PPFIA2: variants seen among roughly 807,000 people sequenced by gnomAD.
PPFIA2 encodes the protein PPFI scaffold protein A2.
A neutral mutation model predicts 175.5 loss-of-function variants in PPFIA2; 46 were observed. The observed-to-expected ratio is 0.26, with a 90% CI of 0.21 to 0.34. PPFIA2 has a LOEUF of 0.34. Ranked by LOEUF, PPFIA2 falls within the 10% of genes least tolerant of loss-of-function variation. The pLI, the probability that PPFIA2 is intolerant of heterozygous loss-of-function variation, is 1.00. For missense variants in PPFIA2, 1,179 were observed against 1,506.1 expected (o/e 0.78, Z 3.60); for synonymous variants, 568 against 511.4 (o/e 1.11, Z -1.49).
At chr12:81,431,781 C>A (rs1279010616) in intron 7 of PPFIA2, among the ~76,000 whole-genome samples, 3 of 152,112 alleles carry the variant, frequency 2.0e-5, no homozygotes, top group Admixed American at 2.0e-4. Context: ...AACCGAAAAT[C>A]CAATCACATC....
chr12:81,342,774 C>A (rs1238445636), intron 19 of PPFIA2, among the ~76,000 whole-genome samples: 1 of 151,932 alleles, frequency 6.6e-6, no homozygotes, highest in Non-Finnish European at 1.5e-5. Flanking sequence ...CTAAGCATGG[C>A]CATTTTTGCT....
At chr12:81,369,446 C>G in intron 11 of PPFIA2, 1 of 1,311,320 alleles carries the variant, frequency 7.6e-7, no homozygotes, top group Non-Finnish European at 9.8e-7. Context: ...ATGTAACATG[C>G]AGACTGTGCA....
intron 4 of PPFIA2, among the ~76,000 whole-genome samples, chr12:81,579,770 G>A (rs141770096): frequency 7.2e-4 from 110 of 151,950 alleles, no homozygotes; most frequent in Middle Eastern, 6.8e-3. Context: ...AGACGGTACC[G>A]TTTGTAGTGC....
intron 16 of PPFIA2, among the ~76,000 whole-genome samples, chr12:81,353,656 C>T (rs1196872081): frequency 6.6e-6 from 1 of 151,894 alleles, no homozygotes; most frequent in Non-Finnish European, 1.5e-5. Context: ...TCCTTATTTC[C>T]AAATATAACA....
At chr12:81,460,056 T>TTATCTGAAACA (rs2054255275) in intron 4 of PPFIA2, among the ~76,000 whole-genome samples, 1 of 152,056 alleles carries the variant, frequency 6.6e-6, no homozygotes, top group Non-Finnish European at 1.5e-5. Flanking sequence ...CTGGAGTACA[T>TTATCTGAAACA]TTAGAGGTAC....
chr12:81,708,220 GAA>G (rs1220631546), intron 3 of PPFIA2, among the ~76,000 whole-genome samples: 1 of 150,862 alleles, frequency 6.6e-6, no homozygotes, highest in Non-Finnish European at 1.5e-5. Context: ...GAAAAAAAAA[GAA>G]ATGTATAGTA....
At chr12:81,443,137 G>A (rs530679910) in intron 6 of PPFIA2, among the ~76,000 whole-genome samples, 3 of 151,602 alleles carry the variant, frequency 2.0e-5, no homozygotes, top group African/African-American at 4.8e-5. Context: ...ATTCATAAAC[G>A]TTCACTAAGG....
At chr12:81,751,519 T>C (rs1323705972) in intron 3 of PPFIA2, among the ~76,000 whole-genome samples, 1 of 148,722 alleles carries the variant, frequency 6.7e-6, no homozygotes, top group Non-Finnish European at 1.5e-5. Flanking sequence ...TCAGGAGGAT[T>C]GTTCTATAAT....
Position 81,561,988 on chromosome 12 carries a change from T to G in PPFIA2, c.304-104122A>C, listed in dbSNP as rs377609992. Among the ~76,000 whole-genome samples the G allele has an allele frequency of 7.2e-5, 11 of 152,352 alleles. No individual in the cohort carries two copies. In the East Asian group the frequency reaches 9.6e-4, roughly 13 times the overall value. ...CCTTAACAAATACTTCATGTTCACATTTATGTTTTGCTAATGTCAGAAAAC... is the reference window on the plus strand; with the variant it reads ...CCTTAACAAATACTTCATGTTCACAGTTATGTTTTGCTAATGTCAGAAAAC... On this transcript the variant is annotated intron_variant, in intron 4 of 32. Transcript: ENST00000549396.
At chr12:81,375,362 G>C (rs1404572046) in intron 10 of PPFIA2, among the ~76,000 whole-genome samples, 1 of 152,076 alleles carries the variant, frequency 6.6e-6, no homozygotes, top group Non-Finnish European at 1.5e-5. Flanking sequence ...GCTATAGTTT[G>C]CCTGTTTCTG....
intron 4 of PPFIA2, among the ~76,000 whole-genome samples, chr12:81,547,397 CAG>C (rs1175935354): frequency 2.7e-5 from 4 of 150,480 alleles, no homozygotes; most frequent in African/African-American, 9.8e-5. Flanking sequence ...CTTTTTGAGA[CAG>C]AGTTTTGCTC....
At chr12:81,658,268 C>CAAAAAAAAAAA (rs1318255722) in intron 4 of PPFIA2, among the ~76,000 whole-genome samples, 1 of 114,486 alleles carries the variant, frequency 8.7e-6, no homozygotes, top group African/African-American at 4.0e-5. Context: ...AACTCCATCT[C>CAAAAAAAAAAA]AAAAAAAAAA....
intron 3 of PPFIA2, among the ~76,000 whole-genome samples, chr12:81,714,316 G>A (rs888986841): frequency 3.7e-4 from 56 of 150,924 alleles, no homozygotes; most frequent in African/African-American, 1.2e-3. Flanking sequence ...ATTAAATCTA[G>A]GATGACTTCG....
intron 4 of PPFIA2, among the ~76,000 whole-genome samples, chr12:81,517,292 C>G (rs1368224330): frequency 6.6e-6 from 1 of 152,058 alleles, no homozygotes; most frequent in Non-Finnish European, 1.5e-5. Context: ...CCCGGCAGAA[C>G]AAGGATCCAG....
At chr12:81,504,610 A>G (rs541774365) in intron 4 of PPFIA2, among the ~76,000 whole-genome samples, 64 of 152,186 alleles carry the variant, frequency 4.2e-4, no homozygotes, top group Non-Finnish European at 8.2e-4. Context: ...TCTAGAAATA[A>G]AAATACCATT....
intron 21 of PPFIA2, among the ~76,000 whole-genome samples, chr12:81,336,823 T>C (rs2057207843): frequency 6.6e-6 from 1 of 152,188 alleles, no homozygotes; most frequent in Non-Finnish European, 1.5e-5. Flanking sequence ...CTATTTTTAC[T>C]GGTAGAAGAA....
intron 4 of PPFIA2, among the ~76,000 whole-genome samples, chr12:81,593,363 C>A (rs2058892535): frequency 6.6e-6 from 1 of 152,112 alleles, no homozygotes; most frequent in African/African-American, 2.4e-5. Flanking sequence ...GGTACACAAG[C>A]AAATTTACAT....
chr12:81,462,629 C>G (rs1266719563), intron 4 of PPFIA2, among the ~76,000 whole-genome samples: 3 of 134,294 alleles, frequency 2.2e-5, no homozygotes, highest in Non-Finnish European at 4.9e-5. Flanking sequence ...TACCTGGAAA[C>G]TGCCAAATTC....
At chr12:81,343,410 T>A (rs2058491078) in intron 19 of PPFIA2, among the ~76,000 whole-genome samples, 2 of 152,100 alleles carry the variant, frequency 1.3e-5, no homozygotes, top group African/African-American at 4.8e-5. Flanking sequence ...TAAATAAGAA[T>A]GAACTGGTAG....
Sources: allele counts gnomAD v4.1 joint callset (sites outside exome capture counted in the v4.1 genomes callset), GRCh38; gene constraint gnomAD v4.1.1; transcripts MANE v1.5; gene names NCBI Gene and HGNC (gene_info 2026-07-23, HGNC 2026-07-21).